Variants in HK1 observed in about 807,000 individuals in gnomAD.
HK1 encodes the protein hexokinase 1.
Under a neutral mutation model 91.6 loss-of-function variants are expected in HK1, and 28 were observed. That is an observed-to-expected ratio of 0.31 (90% CI 0.23 to 0.42). HK1 has a LOEUF of 0.42. HK1 is among the 10% of genes least tolerant of loss of function. HK1 has a pLI of 1.00. For synonymous variants in HK1, 430 were observed against 468.1 expected, an observed-to-expected ratio of 0.92 and a Z score of 1.05; for missense variants, 770 against 1,219.8, an observed-to-expected ratio of 0.63 and a Z score of 5.49.
rs575210850 is a variant in HK1 at position 69,328,967 on chromosome 10, T to C, written c.63+9957T>C. Among the ~76,000 whole-genome samples, 74 of 152,338 alleles carry C rather than the reference T, an allele frequency of 4.9e-4. 1 individual carries two copies. The South Asian group carries it at 0.015, about 30-fold the overall frequency. On this transcript the variant is annotated intron_variant, in intron 1 of 17. Transcript: ENST00000359426. Reference sequence around the variant, plus strand: ...ATAATGTCTTCAAGGTTCATCCATGTAGTAGCATGTGTTAGCACTTCATTC... The same window carrying C: ...ATAATGTCTTCAAGGTTCATCCATGCAGTAGCATGTGTTAGCACTTCATTC...
exon 3 of HK1, chr10:69,288,685 G>T: frequency 6.4e-7 from 1 of 1,560,590 alleles, no homozygotes; most frequent in Non-Finnish European, 8.8e-7. Flanking sequence ...TCAAGACCCA[G>T]CTGTTGAGAG....
In HK1 at chr10:69,300,357, G is replaced by A; in HGVS notation, c.-66-412G>A. On this transcript the variant is annotated intron_variant, in intron 4 of 21. Transcript: ENST00000360289. ...TTAATGTTGCTGCATATATCAAAAGGTTATTCCTATGTAATTTTGTTTTTT... is the reference window on the plus strand; with the variant it reads ...TTAATGTTGCTGCATATATCAAAAGATTATTCCTATGTAATTTTGTTTTTT... 8.4e-6 allele frequency: 4 copies of A among 473,774 alleles called. No individual in the cohort carries two copies. In the South Asian group the frequency reaches 8.4e-5, roughly 10 times the overall value. 29.3% of individuals were successfully genotyped at this position (473,774 alleles called of 1,614,324 possible).
At chr10:69,372,164 TTGCGTGGG>T (rs1850041521) in intron 7 of HK1, among the ~76,000 whole-genome samples, 1 of 152,202 alleles carries the variant, frequency 6.6e-6, no homozygotes, top group Admixed American at 6.5e-5. Flanking sequence ...ATCACGAGAA[TTGCGTGGG>T]AAAGACTTGC....
chr10:69,386,631 A>C, intron 13 of HK1: 1 of 410,700 alleles, frequency 2.4e-6, no homozygotes, highest in Non-Finnish European at 4.6e-6. Context: ...AAGTTACACA[A>C]ATTAGCCAGG....
chr10:69,294,804 G>A (rs868730687), intron 3 of HK1, among the ~76,000 whole-genome samples: 6 of 152,166 alleles, frequency 3.9e-5, no homozygotes, highest in African/African-American at 1.4e-4. Context: ...AGAGGTTGCA[G>A]TGAGCAGAGA....
intron 13 of HK1, among the ~76,000 whole-genome samples, chr10:69,388,356 C>T (rs1171343381): frequency 1.3e-5 from 2 of 152,016 alleles, no homozygotes; most frequent in African/African-American, 2.4e-5. Context: ...CTGAGGTGGG[C>T]GGATTACTTG....
chr10:69,369,371 G>T lies in HK1; in HGVS notation c.691+35G>T. 3.7e-6 allele frequency: 6 copies of T among 1,613,430 alleles called. No homozygotes were observed. The highest frequency in any genetic ancestry group is 5.1e-6 in the Non-Finnish European group (6 of 1,179,348). On this transcript the variant is annotated intron_variant, in intron 6 of 17. Coordinates refer to ENST00000359426, the MANE Select transcript of HK1 (RefSeq NM_000188.3). The surrounding 1 kb of genome is among the most constrained non-coding windows in gnomAD (Gnocchi z 4.4). ...TCCCCTTTGCCCATCCATTTGTTCG[G>T]CCCATCTTTCCAGGTGGCTCTGCAC...
At chr10:69,353,542 GT>G (rs2087295728) in intron 2 of HK1, among the ~76,000 whole-genome samples, 1 of 151,384 alleles carries the variant, frequency 6.6e-6, no homozygotes, top group Admixed American at 6.6e-5. Flanking sequence ...GCAGTAAGCT[GT>G]GATCATGCAA....
At chr10:69,368,877 G>A (rs1295230162) in intron 5 of HK1, among the ~76,000 whole-genome samples, 4 of 152,148 alleles carry the variant, frequency 2.6e-5, no homozygotes, top group Non-Finnish European at 4.4e-5. Context: ...AGGAGTGCTG[G>A]GCTATTCAGG....
intron 3 of HK1, among the ~76,000 whole-genome samples, chr10:69,360,468 T>C (rs768812386): frequency 6.6e-6 from 1 of 152,240 alleles, no homozygotes; most frequent in Non-Finnish European, 1.5e-5. Flanking sequence ...TTGTAGGGTA[T>C]GGCTGTGGCC....
intron 2 of HK1, among the ~76,000 whole-genome samples, chr10:69,355,156 A>G (rs1472281104): frequency 6.6e-6 from 1 of 151,670 alleles, no homozygotes; most frequent in Non-Finnish European, 1.5e-5. Context: ...TTATACCTTC[A>G]TTAATTCCAC....
At chr10:69,372,988 G>C (rs1008207181) in intron 7 of HK1, among the ~76,000 whole-genome samples, 1 of 152,106 alleles carries the variant, frequency 6.6e-6, no homozygotes, top group East Asian at 1.9e-4. Context: ...TCCTGCCTCA[G>C]CCTACCAAGT....
At chr10:69,287,354 A>G (rs904844633) in intron 2 of HK1, among the ~76,000 whole-genome samples, 2 of 152,144 alleles carry the variant, frequency 1.3e-5, no homozygotes, top group South Asian at 2.1e-4. Flanking sequence ...CAGGGGGGGA[A>G]CCGCCCCCAT....
chr10:69,392,050 C>T, intron 14 of HK1, 75 bp from the exon 15 acceptor site: 1 of 1,503,406 alleles, frequency 6.7e-7, no homozygotes, highest in South Asian at 1.1e-5. Flanking sequence ...AACCTCAGGC[C>T]CCAGACCCCA....
intron 1 of HK1, among the ~76,000 whole-genome samples, chr10:69,327,439 T>C (rs1049517237): frequency 2.0e-5 from 3 of 152,252 alleles, no homozygotes; most frequent in Non-Finnish European, 4.4e-5. Flanking sequence ...TTACAGAGTA[T>C]AAAAGCTCCC....
intron 7 of HK1, among the ~76,000 whole-genome samples, chr10:69,373,018 T>G (rs1850097034): frequency 6.6e-6 from 1 of 152,144 alleles, no homozygotes; most frequent in Non-Finnish European, 1.5e-5. Context: ...TACAGGCGTC[T>G]GCTGCCACGC....
chr10:69,382,739 T>C lies in HK1; in HGVS notation c.1518T>C (p.Asn506=). 1 of 1,613,288 alleles carries C rather than the reference T, an allele frequency of 6.2e-7. No homozygotes were observed. Among genetic ancestry groups the C allele is most frequent in the Non-Finnish European group, 8.5e-7 (1 of 1,179,882 alleles). ...GGCTGAGGAAGCAGACGCACAACAA[T>C]GCCGTGGTTAAGATGCTGCCCTCCT... The part of the protein sequence containing the change: ...ELGLRKQTHN[N]AVVKMLPSFV... The change falls in exon 10 of 18, where the codon AAT becomes AAC. Residue 506 remains asparagine (N), a synonymous_variant. Transcript: ENST00000359426.
Position 69,360,014 on chromosome 10 carries a change from C to CAG in HK1, c.348_349dup (p.Asn117ArgfsTer48). 1 of 1,614,148 alleles carries CAG rather than the reference C, an allele frequency of 6.2e-7. No homozygotes were observed. Among genetic ancestry groups the CAG allele is most frequent in the Non-Finnish European group, 8.5e-7 (1 of 1,179,988 alleles). Reference sequence around the variant, plus strand: ...ATGGAGTCCGAGGTTTATGACACCCCAGAGAACATCGTGCACGGCAGTGGA... The same window carrying CAG: ...ATGGAGTCCGAGGTTTATGACACCCCAGAGAGAACATCGTGCACGGCAGTGGA... On this transcript the variant is annotated frameshift_variant, in exon 3 of 18. Transcript: ENST00000359426. LOFTEE classifies it high-confidence loss of function.
At chr10:69,336,949 G>A (rs760346117) in intron 1 of HK1, among the ~76,000 whole-genome samples, 9 of 151,850 alleles carry the variant, frequency 5.9e-5, no homozygotes, top group Non-Finnish European at 1.2e-4. Flanking sequence ...CTGGCCGGTA[G>A]ATGTATTTTT....
Sources: gnomAD v4.1 joint callset for allele counts (sites outside exome capture counted in the v4.1 genomes callset) on GRCh38, gnomAD v4.1.1 for gene constraint, Gnocchi (gnomAD v3.1) non-coding constraint, MANE v1.5 for transcripts, NCBI Gene and HGNC (gene_info 2026-07-23, HGNC 2026-07-21) for gene names.